ARHGEF10: variants seen among roughly 807,000 people sequenced by gnomAD.
ARHGEF10 encodes the protein Rho guanine nucleotide exchange factor (GEF) 10.
Under a neutral mutation model 147.4 loss-of-function variants are expected in ARHGEF10, and 140 were observed. That is an observed-to-expected ratio of 0.95 (90% CI 0.83 to 1.09). The LOEUF is 1.09. Among genes scored for constraint, ARHGEF10 ranks in the 50% least tolerant of loss-of-function variants. ARHGEF10 has a pLI of 0.00. For missense variants in ARHGEF10, 2,222 were observed against 1,752.7 expected, an observed-to-expected ratio of 1.27 and a Z score of -4.78; for synonymous variants, 902 against 695.8, an observed-to-expected ratio of 1.30 and a Z score of -4.67.
chr8:1,900,364 C>CT (rs897462618), intron 15 of ARHGEF10, among the ~76,000 whole-genome samples: 14 of 152,086 alleles, frequency 9.2e-5, no homozygotes, highest in African/African-American at 3.4e-4. Context: ...GTCGTTGTCC[C>CT]TTTTTTATGC....
In ARHGEF10 at chr8:1,882,701, G is replaced by A. The variant is rs757297997; in HGVS notation, c.1027G>A (p.Val343Met). The A allele has an allele frequency of 4.0e-5, 62 of 1,556,702 alleles. No homozygotes were observed. The highest frequency in any genetic ancestry group is 5.0e-5 in the Non-Finnish European group (57 of 1,149,550). Reference protein sequence around the residue: ...KDGLERTRAAVKRGRSFIRTK... With the variant: ...KDGLERTRAAMKRGRSFIRTK... ...CGGGCTGGAGAGGACCAGGGCAGCC[G>A]TGAAGAGGGGCCGCTCCTTCATCAG... Residue 343 changes from valine to methionine, a missense_variant, in exon 10 of 29, where the codon GTG (valine) becomes ATG (methionine). Val to Met is a conservative substitution (Grantham distance 21, BLOSUM62 1). Transcript: ENST00000349830.
rs142608490 is a variant in ARHGEF10, at chr8:1,875,410, C to A, written c.680-1161C>A. 1.7e-4 allele frequency among the ~76,000 whole-genome samples: 26 copies of A among 152,212 alleles called. 1 individual carries two copies. The East Asian group carries it at 4.8e-3, about 28-fold the overall frequency. On this transcript the variant is annotated intron_variant, in intron 7 of 28. Coordinates refer to ENST00000349830, the MANE Select transcript of ARHGEF10 (RefSeq NM_014629.4). ...GGTAGGCTCTCAGGATGACTCTTGG[C>A]TCTTGGGCATGTGGGTGAGCTCTCA... is the stretch of plus-strand genomic sequence containing the variant.
rs554265978 is a variant in ARHGEF10, at chr8:1,937,513, G to A, written c.3222+3571G>A. Among the ~76,000 whole-genome samples, 1 of 152,330 alleles carries A rather than the reference G, an allele frequency of 6.6e-6. No individual in the cohort carries two copies. The highest frequency in any genetic ancestry group is 2.1e-4 in the South Asian group (1 of 4,822). On this transcript the variant is annotated intron_variant, in intron 26 of 28. Transcript: ENST00000349830. The surrounding 1 kb of genome is among the most constrained non-coding windows in gnomAD (Gnocchi z 4.9). ...GTAAATCTCGAAGACTCAGAGAGAA[G>A]CAATGTGTTTGGATCCAGATATAGG...
chr8:1,859,519 C>G (rs1338314848), intron 3 of ARHGEF10, among the ~76,000 whole-genome samples: 1 of 152,230 alleles, frequency 6.6e-6, no homozygotes, highest in Admixed American at 6.5e-5. Context: ...TAGCATCAGC[C>G]TCTCGGTTGT....
chr8:1,903,977 G>C (rs576758536), intron 16 of ARHGEF10: 1 of 173,022 alleles, frequency 5.8e-6, no homozygotes, highest in African/African-American at 2.4e-5. Flanking sequence ...CACCTATATA[G>C]TCTGAGCTAC....
At chr8:1,876,385 C>G (rs768137020) in intron 7 of ARHGEF10, 186 bp from the exon 8 acceptor site, 76 of 647,628 alleles carry the variant, frequency 1.2e-4, no homozygotes, top group Non-Finnish European at 2.0e-4. Context: ...CCGGCCCTGC[C>G]CGGGTGGTGG....
At chr8:1,888,749 GAATA>G (rs1809048919) in intron 11 of ARHGEF10, among the ~76,000 whole-genome samples, 1 of 65,102 alleles carries the variant, frequency 1.5e-5, no homozygotes, top group Admixed American at 1.6e-4. Flanking sequence ...AGGAGACACT[GAATA>G]GGGTGAGGTT....
At chr8:1,895,743 T>TA (rs1489413978) in intron 13 of ARHGEF10, among the ~76,000 whole-genome samples, 8 of 152,214 alleles carry the variant, frequency 5.3e-5, no homozygotes, top group African/African-American at 1.9e-4. Flanking sequence ...CTAAAGGACT[T>TA]ACGGTTTCTT....
At chr8:1,923,984 T>A in intron 21 of ARHGEF10, 110 bp downstream of exon 21, 2 of 1,022,488 alleles carry the variant, frequency 2.0e-6, no homozygotes, top group Non-Finnish European at 3.0e-6. Flanking sequence ...GATCCATGCA[T>A]TGACCTGAAA....
chr8:1,905,530 A>T lies in ARHGEF10; in HGVS notation c.1822-41A>T, dbSNP rs1352624932. 3.1e-6 allele frequency: 5 copies of T among 1,613,884 alleles called. No individual in the cohort carries two copies. In the Admixed American group the frequency reaches 8.3e-5, roughly 27 times the overall value. Reference sequence around the variant, plus strand: ...CTCCTCATCTTTTTCTTTTCCGGGTAAACTGAACTGTGGTCCCTGGGCTGT... The same window carrying T: ...CTCCTCATCTTTTTCTTTTCCGGGTTAACTGAACTGTGGTCCCTGGGCTGT... On this transcript the variant is annotated intron_variant, in intron 16 of 28. Transcript: ENST00000349830.
Position 1,857,870 on chromosome 8 carries a change from AGATCGATC to A in ARHGEF10, c.38-85_38-78del, listed in dbSNP as rs66620071. 1.8e-3 allele frequency: 1,702 copies of A among 921,004 alleles called. 13 individuals are homozygous for A. The highest frequency in any genetic ancestry group is 2.5e-3 in the Non-Finnish European group (1,478 of 590,220). 57.1% of individuals were successfully genotyped at this position (921,004 alleles called of 1,614,324 possible). A position where few individuals can be genotyped will look rare whatever the true frequency, so the allele number is the denominator to read the frequency against. On this transcript the variant is annotated intron_variant, in intron 2 of 28. Coordinates refer to ENST00000349830, the MANE Select transcript of ARHGEF10 (RefSeq NM_014629.4). ...CTTAGTCAGTGTCTCTGGCTAACAT[AGATCGATC>A]GATCTATCTATCTATCTATCTATCT...
Position 1,859,994 on chromosome 8 carries a change from C to A in ARHGEF10, c.291C>A (p.Ile97=). 1 of 1,614,176 alleles carries A rather than the reference C, an allele frequency of 6.2e-7. No individual in the cohort carries two copies. The highest frequency in any genetic ancestry group is 1.7e-5 in the Admixed American group (1 of 60,030). Residue 97 remains isoleucine, a synonymous_variant, in exon 4 of 29, where the codon ATC becomes ATA. Transcript: ENST00000349830. The part of the protein sequence containing the change: ...MKVNPYSVID[I]TPFQEDQPPT... The stretch of plus-strand genomic sequence containing the variant: ...TCAACCCATATTCTGTCATCGACAT[C>A]ACGCCATTCCAGGAGGACCAGCCGC...
chr8:1,853,286 C>G (rs923583220), intron 2 of ARHGEF10, among the ~76,000 whole-genome samples: 1 of 152,220 alleles, frequency 6.6e-6, no homozygotes, highest in African/African-American at 2.4e-5. Flanking sequence ...GCTGCCTACC[C>G]AGAGCGCCGG....
At chr8:1,939,995 G>A (rs1465305521) in intron 26 of ARHGEF10, among the ~76,000 whole-genome samples, 1 of 152,206 alleles carries the variant, frequency 6.6e-6, no homozygotes, top group African/African-American at 2.4e-5. Context: ...TTTGTTTTCA[G>A]AAGAGTATTT....
Position 1,854,786 on chromosome 8 carries a change from G to T in ARHGEF10, c.38-3174G>T, listed in dbSNP as rs79139594. On this transcript the variant is annotated intron_variant, in intron 2 of 28. Transcript: ENST00000349830. ...CTGCTCGTCATTCTCTCATTCATTC[G>T]CTCACATGATGTGCGTGTCACACAT... Among the ~76,000 whole-genome samples, 6 of 152,270 alleles carry T rather than the reference G, an allele frequency of 3.9e-5. No homozygotes were observed. In the South Asian group the frequency reaches 1.2e-3, roughly 32 times the overall value.
At chr8:1,839,676 AACTGGTGTGGGGACTGTCCGGTGTGGGG>A (rs1179648852) in intron 1 of ARHGEF10, among the ~76,000 whole-genome samples, 5 of 36,644 alleles carry the variant, frequency 1.4e-4, no homozygotes, top group Admixed American at 7.0e-4. Context: ...CTGGTGTGGA[AACTGGTGTGGGGACTGTCCGGTGTGGGG>A]ACTGTCTGGT....
Position 1,874,067 on chromosome 8 carries a change from A to G in ARHGEF10, c.680-2504A>G, listed in dbSNP as rs117534192. ...CTGCCTGGTCACTGGCTTGGTCAGA[A>G]AACACATGCCAGGGTGACTGGATTT... On this transcript the variant is annotated intron_variant, in intron 7 of 28. Transcript: ENST00000349830. 3.9e-5 allele frequency among the ~76,000 whole-genome samples: 6 copies of G among 152,334 alleles called. No individual in the cohort carries two copies. The East Asian group carries it at 9.7e-4, about 25-fold the overall frequency.
At chr8:1,860,320 T>C in intron 4 of ARHGEF10, 136 bp downstream of exon 4, 1 of 1,169,782 alleles carries the variant, frequency 8.5e-7, no homozygotes, top group Non-Finnish European at 1.2e-6. Context: ...GGGCCTGACC[T>C]TCCCCCCTCC....
intron 1 of ARHGEF10, among the ~76,000 whole-genome samples, chr8:1,824,769 T>G (rs1321085194): frequency 2.9e-5 from 2 of 69,100 alleles, no homozygotes; most frequent in African/African-American, 6.4e-5. Context: ...ACCCTACCTG[T>G]TTATTCTGCA....
Sources: allele counts gnomAD v4.1 joint callset (sites outside exome capture counted in the v4.1 genomes callset), GRCh38; gene constraint gnomAD v4.1.1; non-coding constraint Gnocchi (gnomAD v3.1); transcripts MANE v1.5; gene names NCBI Gene and HGNC (gene_info 2026-07-23, HGNC 2026-07-21).